Variants in DMD observed in about 807,000 individuals in gnomAD.
The protein encoded by DMD is mutant dystrophin.
Under a neutral mutation model 330.1 loss-of-function variants are expected in DMD, and 63 were observed. The observed-to-expected ratio is 0.19, with a 90% CI of 0.16 to 0.24. The LOEUF (loss-of-function observed/expected upper bound fraction) is 0.24, where lower values mean the gene tolerates loss of function less well. DMD is among the 10% of genes least tolerant of loss of function. The probability of loss-of-function intolerance (pLI) is 1.00; values close to 1 mark genes in which losing one functional copy is unlikely to be tolerated. For missense variants in DMD, 3,344 were observed against 2,684.1 expected, an observed-to-expected ratio of 1.25 and a Z score of -5.43; for synonymous variants, 1,223 against 959.8, an observed-to-expected ratio of 1.27 and a Z score of -5.07.
chrX:33,053,582 C>G (rs1381440445), intron 1 of DMD, among the ~76,000 whole-genome samples: 1 of 108,899 alleles, frequency 9.2e-6, no homozygotes, highest in Admixed American at 9.9e-5. Context: ...GGTGACAGAG[C>G]AAGACTCCAT....
chrX:32,679,191 T>C (rs892164756), intron 9 of DMD, among the ~76,000 whole-genome samples: 3 of 112,310 alleles, frequency 2.7e-5, no homozygotes, highest in African/African-American at 9.7e-5. Context: ...TTTGTATTTC[T>C]ACAGTTATAT....
chrX:32,921,448 A>C (rs190420375), intron 2 of DMD, among the ~76,000 whole-genome samples: 5 of 112,164 alleles, frequency 4.5e-5, no homozygotes, highest in Admixed American at 3.8e-4. Flanking sequence ...ATATTGGCAA[A>C]GATCAAAAGT....
At chrX:32,795,544 C>T (rs1276467296) in intron 7 of DMD, among the ~76,000 whole-genome samples, 1 of 111,599 alleles carries the variant, frequency 9.0e-6, no homozygotes, top group Non-Finnish European at 1.9e-5. Flanking sequence ...CAGACAGGAC[C>T]TTGGTCTAGG....
At chrX:32,280,144 G>GTATATATATATATATATATACAGTA (rs200390755) in intron 43 of DMD, among the ~76,000 whole-genome samples, 3 of 46,159 alleles carry the variant, frequency 6.5e-5, no homozygotes, top group East Asian at 1.2e-3. Context: ...TATATATACA[G>GTATATATATATATATATATACAGTA]TATATATATA....
At chrX:32,767,697 T>C (rs903853346) in intron 7 of DMD, among the ~76,000 whole-genome samples, 2 of 111,876 alleles carry the variant, frequency 1.8e-5, no homozygotes, top group Non-Finnish European at 3.8e-5. Flanking sequence ...ATTTTGTCAA[T>C]AGGATTTTTG....
At chrX:32,162,214 A>G (rs1407510229) in intron 44 of DMD, among the ~76,000 whole-genome samples, 1 of 111,492 alleles carries the variant, frequency 9.0e-6, no homozygotes, top group Admixed American at 9.5e-5. Context: ...AATGTGAAGA[A>G]TGAAAGCAGG....
At chrX:32,462,876 C>T (rs753635970) in intron 25 of DMD, among the ~76,000 whole-genome samples, 2 of 110,907 alleles carry the variant, frequency 1.8e-5, no homozygotes, top group Non-Finnish European at 1.9e-5. Context: ...GGGAGAATTG[C>T]TTGAGCCCAG....
In DMD at chrX:33,163,063, C is replaced by A. The variant is rs1240404389; in HGVS notation, c.31+48219G>T. On this transcript the variant is annotated intron_variant, in intron 1 of 78. Transcript: ENST00000357033. The stretch of plus-strand genomic sequence containing the variant: ...AGAAGGCAAATAATAGACTGCTATC[C>A]TGCCATGGCTTCGCTTAATACAAAT... Among the ~76,000 whole-genome samples the A allele has an allele frequency of 3.6e-5, 4 of 111,590 alleles. No homozygotes were observed. The East Asian group carries it at 1.1e-3, about 31-fold the overall frequency.
chrX:32,217,373 C>G (rs2097116365), intron 43 of DMD, among the ~76,000 whole-genome samples: 1 of 111,329 alleles, frequency 9.0e-6, no homozygotes, highest in Non-Finnish European at 1.9e-5. Flanking sequence ...TTGGCATTTT[C>G]TTTCCTAAAA....
At chrX:32,833,969 G>A (rs1033444497) in intron 4 of DMD, among the ~76,000 whole-genome samples, 2 of 111,019 alleles carry the variant, frequency 1.8e-5, no homozygotes, top group Non-Finnish European at 3.8e-5. Flanking sequence ...ATGAGAACAT[G>A]CTGCAATTTA....
intron 1 of DMD, among the ~76,000 whole-genome samples, chrX:33,108,193 C>G (rs1221489725): frequency 2.8e-5 from 3 of 105,783 alleles, no homozygotes; most frequent in African/African-American, 1.0e-4. Flanking sequence ...TTTTTCAGTT[C>G]TACTTTACAT....
chrX:31,377,904 T>C (rs2059961455), intron 60 of DMD, among the ~76,000 whole-genome samples: 2 of 111,103 alleles, frequency 1.8e-5, no homozygotes, highest in African/African-American at 3.3e-5. Flanking sequence ...ACTGATGACA[T>C]TACCTTGTGA....
intron 44 of DMD, chrX:32,206,797 T>G (rs1021624263): frequency 1.0e-5 from 4 of 399,611 alleles, no homozygotes; most frequent in Admixed American, 5.9e-5. Flanking sequence ...CTGTAACAGT[T>G]GATATCTGGC....
intron 12 of DMD, among the ~76,000 whole-genome samples, chrX:32,613,609 T>C (rs2057340119): frequency 9.0e-6 from 1 of 110,592 alleles, no homozygotes; most frequent in Non-Finnish European, 1.9e-5. Flanking sequence ...TACTATAAAT[T>C]GAATGTAAAA....
chrX:31,293,627 A>G (rs1176970601), intron 62 of DMD, among the ~76,000 whole-genome samples: 1 of 111,622 alleles, frequency 9.0e-6, no homozygotes, highest in African/African-American at 3.3e-5. Flanking sequence ...TTCCGTAGCC[A>G]TACTCTACAC....
intron 44 of DMD, among the ~76,000 whole-genome samples, chrX:32,014,821 C>T (rs2095747315): frequency 1.8e-5 from 2 of 111,525 alleles, no homozygotes; most frequent in South Asian, 7.4e-4. Flanking sequence ...ACGTTTAGAC[C>T]CACTTAATTA....
At chrX:32,325,745 A>G (rs2097647582) in intron 41 of DMD, among the ~76,000 whole-genome samples, 1 of 108,772 alleles carries the variant, frequency 9.2e-6, no homozygotes, top group Admixed American at 9.9e-5. Context: ...GGCTAATAGC[A>G]CTCTTATGTG....
intron 44 of DMD, among the ~76,000 whole-genome samples, chrX:32,216,289 T>G: frequency 8.9e-6 from 1 of 112,099 alleles, no homozygotes; most frequent in Non-Finnish European, 1.9e-5. Flanking sequence ...AATCTATCTT[T>G]ACCTGCATAT....
In DMD at chrX:31,896,402, G is replaced by C. The variant is rs774367083; in HGVS notation, c.6913-21029C>G. Among the ~76,000 whole-genome samples the C allele has an allele frequency of 1.3e-4, 14 of 111,703 alleles. 1 individual carries two copies. The highest frequency in any genetic ancestry group is 3.9e-4 in the African/African-American group (12 of 30,886). On this transcript the variant is annotated intron_variant, in intron 47 of 78. Coordinates refer to ENST00000357033, the MANE Select transcript of DMD (RefSeq NM_004006.3). ...GATAGAAAAAATTATTTCAGACACT[G>C]TATATTCTAGTATTGCAGAGATGGT... is the stretch of plus-strand genomic sequence containing the variant.
Sources: gnomAD v4.1 joint callset for allele counts (sites outside exome capture counted in the v4.1 genomes callset) on GRCh38, gnomAD v4.1.1 for gene constraint, MANE v1.5 for transcripts, NCBI Gene and HGNC (gene_info 2026-07-23, HGNC 2026-07-21) for gene names.